Variants in SAMD5 observed in about 807,000 individuals in gnomAD.
SAMD5 encodes the protein sterile alpha motif domain containing 5.
Under a neutral mutation model 11.3 loss-of-function variants are expected in SAMD5, and 13 were observed. The ratio of observed to expected loss-of-function variants is 1.15; its 90% CI spans 0.75 to 1.83. SAMD5 has a LOEUF of 1.83. Ranked by LOEUF, SAMD5 falls within the 40% of genes most tolerant of loss-of-function variation. SAMD5 has a pLI of 0.00. For missense variants in SAMD5, 255 were observed against 239.1 expected, an observed-to-expected ratio of 1.07 and a Z score of -0.44; for synonymous variants, 129 against 111.3, an observed-to-expected ratio of 1.16 and a Z score of -1.00.
At chr6:147,669,887 A>G (rs1790773287) in intron 1 of SAMD5, among the ~76,000 whole-genome samples, 1 of 152,152 alleles carries the variant, frequency 6.6e-6, no homozygotes, top group Non-Finnish European at 1.5e-5. Context: ...TCTTTCATGA[A>G]TCATGGATCT....
chr6:147,828,824 T>C, the SAMD5 span, among the ~76,000 whole-genome samples: 1 of 152,156 alleles, frequency 6.6e-6, no homozygotes, highest in African/African-American at 2.4e-5. Flanking sequence ...TTGTGCAATT[T>C]GGGCCACTGA....
the SAMD5 span, among the ~76,000 whole-genome samples, chr6:147,896,065 A>G: frequency 6.6e-6 from 1 of 152,170 alleles, no homozygotes; most frequent in Non-Finnish European, 1.5e-5. Context: ...GGTTTTATGG[A>G]ACCTCTGTGT....
the SAMD5 span, among the ~76,000 whole-genome samples, chr6:147,935,265 A>G: frequency 2.0e-5 from 3 of 152,196 alleles, no homozygotes; most frequent in African/African-American, 7.2e-5. Context: ...GTCAAACTGC[A>G]GGACTAGTGG....
rs541285343 is a variant in SAMD5, at chr6:147,667,905, A to G, written c.163-69412A>G. Among the ~76,000 whole-genome samples the G allele has an allele frequency of 3.3e-5, 5 of 152,332 alleles. No homozygotes were observed. In the South Asian group the frequency reaches 1.0e-3, roughly 32 times the overall value. ...ACTGCTTATTATTTCTTTGTCCTAT[A>G]AAAAGTCCAGGTGATAAAATTAACA... is the stretch of plus-strand genomic sequence containing the variant. On this transcript the variant is annotated intron_variant, in intron 1 of 1. Transcript: ENST00000566741.
the SAMD5 span, among the ~76,000 whole-genome samples, chr6:147,885,607 A>T: frequency 6.6e-6 from 1 of 152,178 alleles, no homozygotes; most frequent in Non-Finnish European, 1.5e-5. Flanking sequence ...ATTTAGAAGC[A>T]AGCAGGATTA....
intron 1 of SAMD5, among the ~76,000 whole-genome samples, chr6:147,705,229 A>G (rs1259551489): frequency 6.6e-6 from 1 of 152,122 alleles, no homozygotes; most frequent in African/African-American, 2.4e-5. Flanking sequence ...TTAATATTAT[A>G]TGTATTGTCT....
chr6:147,935,209 T>C, the SAMD5 span, among the ~76,000 whole-genome samples: 6 of 152,196 alleles, frequency 3.9e-5, no homozygotes, highest in African/African-American at 1.2e-4. Context: ...GACTCAATGC[T>C]ACTACATCCT....
At chr6:147,600,421 T>C (rs989206796) in intron 1 of SAMD5, among the ~76,000 whole-genome samples, 1 of 152,154 alleles carries the variant, frequency 6.6e-6, no homozygotes, top group African/African-American at 2.4e-5. Context: ...AGATTTTCTA[T>C]TCCTTGATAG....
At chr6:147,897,664 A>G in the SAMD5 span, among the ~76,000 whole-genome samples, 1 of 152,044 alleles carries the variant, frequency 6.6e-6, no homozygotes, top group African/African-American at 2.4e-5. Context: ...ACGTAGCCAG[A>G]CCAGGCGCAG....
the SAMD5 span, among the ~76,000 whole-genome samples, chr6:147,788,017 G>A: frequency 7.9e-5 from 12 of 152,158 alleles, no homozygotes; most frequent in African/African-American, 2.9e-4. Context: ...TTCTTTTAAT[G>A]TGAGACAGTA....
chr6:147,576,699 GA>G lies in SAMD5; in HGVS notation c.162+67314del, dbSNP rs1789222436. On this transcript the variant is annotated intron_variant, in intron 1 of 1. Transcript: ENST00000566741. ...GTTACTGATCCATTTTACAGGTGAA[GA>G]AGCTAAGGCACAGAGAGTTTAAGTA... Among the ~76,000 whole-genome samples the G allele has an allele frequency of 6.6e-5, 10 of 152,344 alleles. No individual in the cohort carries two copies. In the South Asian group the frequency reaches 2.1e-3, roughly 32 times the overall value.
chr6:147,672,302 A>G (rs972055887), intron 1 of SAMD5, among the ~76,000 whole-genome samples: 1 of 152,120 alleles, frequency 6.6e-6, no homozygotes, highest in South Asian at 2.1e-4. Context: ...TAATTTTAGC[A>G]TATGTTCAGT....
At chr6:147,521,844 T>G (rs1013611825) in intron 1 of SAMD5, among the ~76,000 whole-genome samples, 1 of 150,622 alleles carries the variant, frequency 6.6e-6, no homozygotes, top group Admixed American at 6.6e-5. Context: ...TTTTAAAACC[T>G]TCTTTAAATA....
the SAMD5 span, among the ~76,000 whole-genome samples, chr6:147,934,585 T>G: frequency 6.6e-6 from 1 of 151,318 alleles, no homozygotes; most frequent in Non-Finnish European, 1.5e-5. Context: ...TGGTGGGGAG[T>G]GCAGGGGAGG....
chr6:147,921,034 A>G, the SAMD5 span, among the ~76,000 whole-genome samples: 1 of 152,126 alleles, frequency 6.6e-6, no homozygotes, highest in South Asian at 2.1e-4. Context: ...TAGACATTTC[A>G]ATATTTCTTT....
the SAMD5 span, among the ~76,000 whole-genome samples, chr6:147,914,794 T>C: frequency 6.6e-6 from 1 of 152,194 alleles, no homozygotes; most frequent in African/African-American, 2.4e-5. Context: ...CAATGAGACC[T>C]GTGCCTTCAG....
chr6:147,918,311 T>C, the SAMD5 span, among the ~76,000 whole-genome samples: 126 of 152,296 alleles, frequency 8.3e-4, no homozygotes, highest in Admixed American at 1.2e-3. Context: ...AGGTATTTTA[T>C]TCTCTTCGAA....
chr6:147,710,433 G>A (rs1387784949), intron 1 of SAMD5, among the ~76,000 whole-genome samples: 2 of 152,150 alleles, frequency 1.3e-5, no homozygotes, highest in Non-Finnish European at 2.9e-5. Flanking sequence ...GAAATGTGGT[G>A]AAATCTAACC....
chr6:147,737,389 A>G (rs1215786764), exon 2 of SAMD5: 2 of 1,183,852 alleles, frequency 1.7e-6, no homozygotes, highest in East Asian at 5.7e-5. Context: ...AATCATCTCA[A>G]TCCCACGCTA....
Sources: allele counts gnomAD v4.1 joint callset (sites outside exome capture counted in the v4.1 genomes callset), GRCh38; gene constraint gnomAD v4.1.1; transcripts MANE v1.5; gene names NCBI Gene and HGNC (gene_info 2026-07-23, HGNC 2026-07-21).